PCDH15: variants seen among roughly 807,000 people sequenced by gnomAD.
PCDH15 encodes the protein protocadherin related 15.
A neutral mutation model predicts 178.5 loss-of-function variants in PCDH15; 129 were observed. That is an observed-to-expected ratio of 0.72 (90% CI 0.63 to 0.84). PCDH15 has a LOEUF of 0.84. Ranked by LOEUF, PCDH15 falls within the 40% of genes least tolerant of loss-of-function variation. The pLI is 0.00. For missense variants in PCDH15, 2,230 were observed against 2,099.9 expected (o/e 1.06, Z -1.21); for synonymous variants, 800 against 732.0 (o/e 1.09, Z -1.50).
chr10:55,338,103 G>C (rs530198173), intron 2 of PCDH15, among the ~76,000 whole-genome samples: 1 of 152,246 alleles, frequency 6.6e-6, no homozygotes, highest in African/African-American at 2.4e-5. Flanking sequence ...ATTACAATGA[G>C]ATATCATCTC....
chr10:55,245,714 G>A (rs1189673415), intron 1 of PCDH15, among the ~76,000 whole-genome samples: 1 of 152,140 alleles, frequency 6.6e-6, no homozygotes, highest in Non-Finnish European at 1.5e-5. Context: ...TGTATCAGAA[G>A]AGATGGCACT....
At chr10:54,621,817 G>A (rs2093356618) in intron 2 of PCDH15, among the ~76,000 whole-genome samples, 1 of 151,976 alleles carries the variant, frequency 6.6e-6, no homozygotes, top group Non-Finnish European at 1.5e-5. Context: ...GAAAGAGAAG[G>A]GAAGAAATAT....
At chr10:54,356,446 T>G (rs1944989079) in intron 5 of PCDH15, among the ~76,000 whole-genome samples, 1 of 152,034 alleles carries the variant, frequency 6.6e-6, no homozygotes, top group African/African-American at 2.4e-5. Context: ...TTTCATATTT[T>G]CAACTTAATT....
At chr10:54,816,154 G>T (rs1393194759) in intron 3 of PCDH15, among the ~76,000 whole-genome samples, 1 of 151,980 alleles carries the variant, frequency 6.6e-6, no homozygotes, top group Non-Finnish European at 1.5e-5. Context: ...CAGATACTAT[G>T]TAATTCTCAA....
At chr10:55,274,196 G>C (rs1842524571) in intron 1 of PCDH15, among the ~76,000 whole-genome samples, 1 of 151,974 alleles carries the variant, frequency 6.6e-6, no homozygotes, top group Non-Finnish European at 1.5e-5. Flanking sequence ...TTTGAAACAG[G>C]GTGTCCTCCC....
At chr10:53,839,038 A>G (rs1487227971) in intron 29 of PCDH15, among the ~76,000 whole-genome samples, 1 of 151,808 alleles carries the variant, frequency 6.6e-6, no homozygotes, top group African/African-American at 2.4e-5. Flanking sequence ...CCCCGTCTCT[A>G]CTAAAAATAC....
At chr10:54,011,918 C>A (rs1052538995) in intron 20 of PCDH15, among the ~76,000 whole-genome samples, 1 of 152,134 alleles carries the variant, frequency 6.6e-6, no homozygotes, top group Non-Finnish European at 1.5e-5. Flanking sequence ...AGTTCCCTAG[C>A]CAGGATTCTT....
At chr10:55,473,437 T>C (rs1219707037) in intron 2 of PCDH15, among the ~76,000 whole-genome samples, 1 of 152,140 alleles carries the variant, frequency 6.6e-6, no homozygotes, top group Non-Finnish European at 1.5e-5. Context: ...GAAGGAAAAG[T>C]TGGAGTCATG....
intron 15 of PCDH15, among the ~76,000 whole-genome samples, chr10:54,114,663 T>C (rs2095082714): frequency 6.6e-6 from 1 of 152,192 alleles, no homozygotes; most frequent in Non-Finnish European, 1.5e-5. Flanking sequence ...TGGAATATTA[T>C]TATTTTTTAT....
At chr10:54,717,362 C>T (rs2095493572) in intron 1 of PCDH15, among the ~76,000 whole-genome samples, 1 of 127,060 alleles carries the variant, frequency 7.9e-6, no homozygotes, top group Admixed American at 8.2e-5. Flanking sequence ...ACCTACTCAT[C>T]TGACAAAGGG....
At chr10:54,279,252 A>G (rs565446372) in intron 8 of PCDH15, among the ~76,000 whole-genome samples, 9 of 151,710 alleles carry the variant, frequency 5.9e-5, no homozygotes, top group African/African-American at 1.9e-4. Context: ...TTCAAATTCC[A>G]TCATATAACA....
intron 2 of PCDH15, among the ~76,000 whole-genome samples, chr10:55,051,307 C>T (rs943095532): frequency 1.3e-5 from 2 of 152,066 alleles, no homozygotes; most frequent in African/African-American, 4.8e-5. Flanking sequence ...GGTATAGTCT[C>T]TAATGTAGAA....
chr10:54,383,985 ATTTTTTTT>A (rs59756150), intron 3 of PCDH15, among the ~76,000 whole-genome samples: 1 of 129,164 alleles, frequency 7.7e-6, no homozygotes, highest in Non-Finnish European at 1.6e-5. Context: ...CAAACAGTTA[ATTTTTTTT>A]TTTTTTTTTT....
chr10:55,519,051 A>G (rs1167852650), intron 2 of PCDH15, among the ~76,000 whole-genome samples: 2 of 138,744 alleles, frequency 1.4e-5, no homozygotes, highest in East Asian at 4.7e-4. Context: ...TGGAGATTGC[A>G]CCACTGCACT....
chr10:54,421,891 CACACTATATATATATA>C (rs1565231839), intron 3 of PCDH15, among the ~76,000 whole-genome samples: 1,619 of 80,068 alleles, frequency 0.02, 68 homozygotes, highest in African/African-American at 0.066. Context: ...TATACACACA[CACACTATATATATATA>C]TACACTATAT....
chr10:54,007,150 G>A (rs1318039672), intron 20 of PCDH15, among the ~76,000 whole-genome samples: 1 of 152,074 alleles, frequency 6.6e-6, no homozygotes, highest in Non-Finnish European at 1.5e-5. Flanking sequence ...TTTTCTTTCT[G>A]TGTATTTTCT....
chr10:54,253,112 A>T (rs954056466), intron 8 of PCDH15, among the ~76,000 whole-genome samples: 1 of 152,084 alleles, frequency 6.6e-6, no homozygotes, highest in Non-Finnish European at 1.5e-5. Flanking sequence ...TACCTAGTAA[A>T]TTCGATTGAG....
intron 28 of PCDH15, among the ~76,000 whole-genome samples, chr10:53,852,854 C>T (rs1190030026): frequency 6.6e-6 from 1 of 151,960 alleles, no homozygotes; most frequent in Admixed American, 6.6e-5. Flanking sequence ...ACTAACTTGT[C>T]ACCTAAGAAT....
rs71014485 is a variant in PCDH15, at chr10:55,412,879, T to TCACACA, written c.-156+214740_-156+214745dup. ...TGACAAAAGATTAATTCAACAATAA[T>TCACACA]CACACACACACACACACACACACAC... On this transcript the variant is annotated intron_variant, in intron 2 of 5. Transcript: ENST00000613346. Among the ~76,000 whole-genome samples, 955 of 134,798 alleles carry TCACACA rather than the reference T, an allele frequency of 7.1e-3. 9 individuals carry two copies. The highest frequency in any genetic ancestry group is 0.02 in the African/African-American group (744 of 37,144). 88.4% of individuals were successfully genotyped at this position (134,798 alleles called of 152,430 possible).
Sources: allele counts gnomAD v4.1 joint callset (sites outside exome capture counted in the v4.1 genomes callset), GRCh38; gene constraint gnomAD v4.1.1; transcripts MANE v1.5; gene names NCBI Gene and HGNC (gene_info 2026-07-23, HGNC 2026-07-21).